Variants in LRRC4C observed in about 807,000 individuals in gnomAD.
LRRC4C encodes the protein leucine rich repeat containing 4C, also known as leucine-rich repeat-containing protein 4C.
LRRC4C carries 5 observed loss-of-function variants against 33.6 expected under a neutral mutation model. The ratio of observed to expected loss-of-function variants is 0.15; its 90% CI spans 0.08 to 0.31. LRRC4C has a LOEUF of 0.31. Among genes scored for constraint, LRRC4C ranks in the 10% least tolerant of loss-of-function variants. The pLI is 1.00. For missense variants in LRRC4C, 560 were observed against 796.7 expected, an observed-to-expected ratio of 0.70 and a Z score of 3.58; for synonymous variants, 329 against 302.0, an observed-to-expected ratio of 1.09 and a Z score of -0.93.
chr11:40,782,362 T>C (rs2137286036), intron 2 of LRRC4C, among the ~76,000 whole-genome samples: 1 of 152,278 alleles, frequency 6.6e-6, no homozygotes, highest in South Asian at 2.1e-4. Context: ...GTATGGCTGC[T>C]CTCACTTTTA....
At chr11:40,649,836 C>T (rs1942682060) in intron 2 of LRRC4C, among the ~76,000 whole-genome samples, 3 of 152,068 alleles carry the variant, frequency 2.0e-5, no homozygotes. Flanking sequence ...ATTTATGTTC[C>T]TCTGCCACAG....
At chr11:40,434,195 T>C (rs1055359582) in intron 3 of LRRC4C, among the ~76,000 whole-genome samples, 2 of 152,158 alleles carry the variant, frequency 1.3e-5, no homozygotes, top group Non-Finnish European at 2.9e-5. Flanking sequence ...CCATTTAGGG[T>C]TAGTGGCTAG....
At chr11:41,374,810 G>A (rs1014234913) in intron 1 of LRRC4C, among the ~76,000 whole-genome samples, 6 of 151,976 alleles carry the variant, frequency 3.9e-5, no homozygotes, top group Admixed American at 6.6e-5. Context: ...AAATATTTGC[G>A]GTAAAAATGT....
chr11:41,170,339 A>C (rs1174691741), intron 1 of LRRC4C, among the ~76,000 whole-genome samples: 1 of 152,200 alleles, frequency 6.6e-6, no homozygotes, highest in Non-Finnish European at 1.5e-5. Context: ...GCATCACGCT[A>C]CCTGACTTCA....
intron 1 of LRRC4C, among the ~76,000 whole-genome samples, chr11:41,213,356 A>C (rs1281159730): frequency 1.3e-5 from 2 of 152,188 alleles, no homozygotes; most frequent in East Asian, 3.9e-4. Context: ...ATTAATGCCC[A>C]CCTGGGGACC....
chr11:40,385,427 C>A (rs915218235), intron 3 of LRRC4C, among the ~76,000 whole-genome samples: 1 of 152,122 alleles, frequency 6.6e-6, no homozygotes, highest in Admixed American at 6.6e-5. Flanking sequence ...GATTAGGATT[C>A]AGGAACATTT....
chr11:40,773,905 T>C (rs1349598755), intron 2 of LRRC4C, among the ~76,000 whole-genome samples: 1 of 152,078 alleles, frequency 6.6e-6, no homozygotes, highest in African/African-American at 2.4e-5. Context: ...TATGATTCGG[T>C]GGTATATAAT....
intron 3 of LRRC4C, among the ~76,000 whole-genome samples, chr11:40,600,498 T>C (rs187057006): frequency 6.6e-6 from 1 of 152,342 alleles, no homozygotes; most frequent in African/African-American, 2.4e-5. Flanking sequence ...AGGAATTATT[T>C]GTTTAGCAAG....
At chr11:40,815,979 C>A (rs7112665) in intron 2 of LRRC4C, among the ~76,000 whole-genome samples, 1 of 152,128 alleles carries the variant, frequency 6.6e-6, no homozygotes, top group Non-Finnish European at 1.5e-5. Context: ...TGCGATTTCA[C>A]GAAGTGAGTA....
intron 3 of LRRC4C, chr11:40,445,518 C>A: frequency 6.5e-6 from 1 of 154,828 alleles, no homozygotes. Flanking sequence ...TAGGTTTTTT[C>A]CAAGTTTGGA....
intron 3 of LRRC4C, among the ~76,000 whole-genome samples, chr11:40,613,561 C>T (rs571644334): frequency 1.3e-5 from 2 of 151,824 alleles, no homozygotes; most frequent in African/African-American, 4.8e-5. Flanking sequence ...TCCATGAGAG[C>T]TGGAAACAAC....
At chr11:40,936,014 TTA>T (rs56879078) in intron 1 of LRRC4C, among the ~76,000 whole-genome samples, 822 of 48,474 alleles carry the variant, frequency 0.017, 1 homozygote, top group African/African-American at 0.02. Flanking sequence ...ATGCCAAATT[TTA>T]TATATATATA....
intron 1 of LRRC4C, among the ~76,000 whole-genome samples, chr11:41,075,564 C>T (rs1037069022): frequency 1.4e-4 from 21 of 152,190 alleles, no homozygotes; most frequent in Middle Eastern, 6.8e-3. Flanking sequence ...ATCTTCTAAA[C>T]CAAACCCATT....
intron 3 of LRRC4C, among the ~76,000 whole-genome samples, chr11:40,439,862 G>A (rs1361247756): frequency 6.6e-6 from 1 of 152,202 alleles, no homozygotes; most frequent in African/African-American, 2.4e-5. Flanking sequence ...AACTAGTCAT[G>A]TGGGAAAGCC....
rs549115849 is a variant in LRRC4C at position 40,244,694 on chromosome 11, G to T, written c.-175-3096C>A. 5.1e-3 allele frequency among the ~76,000 whole-genome samples: 771 copies of T among 150,744 alleles called. 9 individuals carry two copies. Among genetic ancestry groups the T allele is most frequent in the South Asian group, 0.012 (59 of 4,780 alleles). ...TATGCCTTCTCACTTATTAACCTGTGTTTTTTGAGTTGATTTTCAGCAGTG... is the reference window on the plus strand; with the variant it reads ...TATGCCTTCTCACTTATTAACCTGTTTTTTTTGAGTTGATTTTCAGCAGTG... On this transcript the variant is annotated intron_variant, in intron 4 of 6. Coordinates refer to ENST00000528697, the MANE Select transcript of LRRC4C (RefSeq NM_001258419.2).
At chr11:40,336,496 C>T (rs140017222) in intron 3 of LRRC4C, among the ~76,000 whole-genome samples, 1 of 152,260 alleles carries the variant, frequency 6.6e-6, no homozygotes, top group African/African-American at 2.4e-5. Context: ...TCCCCAGCCT[C>T]ATCTCACTGC....
At chr11:40,567,221 T>C (rs1297570026) in intron 3 of LRRC4C, among the ~76,000 whole-genome samples, 5 of 152,170 alleles carry the variant, frequency 3.3e-5, no homozygotes, top group African/African-American at 1.2e-4. Flanking sequence ...CTTGGAGTGA[T>C]ATAAAATGGC....
chr11:40,682,396 C>G (rs1944735249), intron 2 of LRRC4C, among the ~76,000 whole-genome samples: 1 of 152,128 alleles, frequency 6.6e-6, no homozygotes, highest in African/African-American at 2.4e-5. Context: ...AAAAATTTGT[C>G]AAGTGTGGTT....
intron 5 of LRRC4C, among the ~76,000 whole-genome samples, chr11:40,217,492 T>C (rs1035243803): frequency 6.6e-6 from 1 of 152,104 alleles, no homozygotes; most frequent in Non-Finnish European, 1.5e-5. Flanking sequence ...GTACTACTTT[T>C]GTGTATATTT....
Sources: allele counts gnomAD v4.1 joint callset (sites outside exome capture counted in the v4.1 genomes callset), GRCh38; gene constraint gnomAD v4.1.1; transcripts MANE v1.5; gene names NCBI Gene and HGNC (gene_info 2026-07-23, HGNC 2026-07-21).